Variants in PSD3 observed in about 807,000 individuals in gnomAD.
The protein encoded by PSD3 is PH and SEC7 domain-containing protein 3.
PSD3 carries 49 observed loss-of-function variants against 105.5 expected under a neutral mutation model. The observed-to-expected ratio is 0.46, with a 90% confidence interval of 0.37 to 0.59. The LOEUF is 0.59. Ranked by LOEUF, PSD3 falls within the 20% of genes least tolerant of loss-of-function variation. The probability of loss-of-function intolerance (pLI) is 0.00; values close to 1 mark genes in which losing one functional copy is unlikely to be tolerated. For synonymous variants in PSD3, 557 were observed against 457.8 expected, an observed-to-expected ratio of 1.22 and a Z score of -2.77; for missense variants, 1,561 against 1,263.8, an observed-to-expected ratio of 1.24 and a Z score of -3.57.
chr8:18,538,703 G>A (rs747626783), intron 15 of PSD3, among the ~76,000 whole-genome samples: 9 of 152,210 alleles, frequency 5.9e-5, no homozygotes, highest in Non-Finnish European at 7.3e-5. Flanking sequence ...CAGTTTTCCA[G>A]TAGTCTTTGA....
At chr8:18,707,175 C>T (rs1017224920) in intron 9 of PSD3, among the ~76,000 whole-genome samples, 1 of 152,126 alleles carries the variant, frequency 6.6e-6, no homozygotes, top group African/African-American at 2.4e-5. Context: ...CTGTCCAAAT[C>T]CTACCCATCC....
intron 2 of PSD3, among the ~76,000 whole-genome samples, chr8:18,912,640 T>A (rs2129464539): frequency 6.6e-6 from 1 of 152,284 alleles, no homozygotes; most frequent in African/African-American, 2.4e-5. Context: ...ATGAAGACAC[T>A]CACTCACCAC....
intron 4 of PSD3, chr8:18,808,728 G>T (rs755840978): frequency 1.2e-6 from 2 of 1,613,830 alleles, no homozygotes; most frequent in South Asian, 2.2e-5. Flanking sequence ...CAGAAAGCTT[G>T]ACAATATGAT....
chr8:18,829,028 C>T (rs188702617), intron 4 of PSD3, among the ~76,000 whole-genome samples: 222 of 152,192 alleles, frequency 1.5e-3, no homozygotes, highest in Middle Eastern at 6.8e-3. Flanking sequence ...ACAGAGGTTG[C>T]TGCTACTGCA....
chr8:18,790,904 A>C (rs970765872), intron 8 of PSD3, among the ~76,000 whole-genome samples: 2 of 152,190 alleles, frequency 1.3e-5, no homozygotes, highest in Non-Finnish European at 1.5e-5. Flanking sequence ...TCAATGTGCA[A>C]AAATCACTAG....
intron 12 of PSD3, among the ~76,000 whole-genome samples, chr8:18,589,643 A>T (rs1326677798): frequency 1.3e-5 from 2 of 152,216 alleles, no homozygotes; most frequent in Admixed American, 1.3e-4. Context: ...TGTTAATGAA[A>T]GATATGGGTT....
At chr8:18,588,749 G>C (rs573586748) in intron 12 of PSD3, among the ~76,000 whole-genome samples, 1 of 152,286 alleles carries the variant, frequency 6.6e-6, no homozygotes, top group Non-Finnish European at 1.5e-5. Flanking sequence ...TTGTTCCCTT[G>C]TCAATACTAA....
intron 4 of PSD3, among the ~76,000 whole-genome samples, chr8:18,838,921 G>T (rs1187894467): frequency 6.6e-6 from 1 of 151,728 alleles, no homozygotes; most frequent in African/African-American, 2.4e-5. Context: ...TTTGCCACTA[G>T]GTCTTATTTG....
chr8:18,797,004 A>T (rs1373299534), intron 8 of PSD3, among the ~76,000 whole-genome samples: 1 of 152,196 alleles, frequency 6.6e-6, no homozygotes, highest in Non-Finnish European at 1.5e-5. Context: ...CAACAAAAAA[A>T]TCAGGCAATC....
In PSD3 at chr8:18,695,114, T is replaced by C. The variant is rs1801188579; in HGVS notation, c.2173-39429A>G. Reference sequence around the variant, plus strand: ...AGGGATCCTTAGCCTTCTAGACTTTTAGACTAAAGATCCCTAGCAGAGGGA... The same window carrying C: ...AGGGATCCTTAGCCTTCTAGACTTTCAGACTAAAGATCCCTAGCAGAGGGA... On this transcript the variant is annotated intron_variant, in intron 9 of 15. Coordinates refer to ENST00000327040, the MANE Select transcript of PSD3 (RefSeq NM_015310.4). Among the ~76,000 whole-genome samples, 3 of 152,306 alleles carry C rather than the reference T, an allele frequency of 2.0e-5. No individual in the cohort carries two copies. The South Asian group carries it at 6.2e-4, about 32-fold the overall frequency.
chr8:18,645,572 G>C (rs569195145), intron 10 of PSD3, among the ~76,000 whole-genome samples: 1 of 152,022 alleles, frequency 6.6e-6, no homozygotes. Flanking sequence ...GTTATTCTTC[G>C]TATAGATTGT....
At chr8:18,971,759 C>A (rs1006799830) in intron 1 of PSD3, among the ~76,000 whole-genome samples, 8 of 152,182 alleles carry the variant, frequency 5.3e-5, no homozygotes, top group Non-Finnish European at 1.2e-4. Context: ...AATCTCAGCA[C>A]TTTGGGAGGC....
chr8:18,831,276 G>T (rs1813660800), intron 4 of PSD3, among the ~76,000 whole-genome samples: 1 of 152,214 alleles, frequency 6.6e-6, no homozygotes, highest in Non-Finnish European at 1.5e-5. Context: ...CTCTAGAATG[G>T]CTCTGAACTT....
chr8:18,787,396 A>G (rs893972792), intron 8 of PSD3, among the ~76,000 whole-genome samples: 2 of 152,214 alleles, frequency 1.3e-5, no homozygotes, highest in Non-Finnish European at 2.9e-5. Flanking sequence ...ATCAAAACAG[A>G]TGCAACTAAA....
intron 4 of PSD3, among the ~76,000 whole-genome samples, chr8:18,866,688 T>C (rs891001449): frequency 6.6e-6 from 1 of 151,902 alleles, no homozygotes; most frequent in Admixed American, 6.6e-5. Flanking sequence ...TAATGAACTA[T>C]AAACCTTCAA....
Position 18,575,285 on chromosome 8 carries a change from C to T in PSD3, c.2482G>A (p.Asp828Asn), listed in dbSNP as rs1341709817. ...AAGGCCTTTTCTGGCTTGTATTCAT[C>T]CTATAGATGGACACAAAGAAAATAA... The part of the protein sequence containing the change: ...LKGTVLYLQK[D>N]EYKPEKALSE... The change falls in exon 13 of 16, where the codon GAT becomes AAT. Residue 828 changes from aspartate (D) to asparagine (N), a missense_variant and splice_region_variant. Coordinates refer to ENST00000327040, the MANE Select transcript of PSD3 (RefSeq NM_015310.4). 1.3e-6 allele frequency: 2 copies of T among 1,575,424 alleles called. No individual in the cohort carries two copies. The highest frequency in any genetic ancestry group is 3.7e-5 in the Admixed American group (2 of 54,168).
chr8:18,691,660 A>G (rs1365116015), intron 9 of PSD3, among the ~76,000 whole-genome samples: 1 of 152,258 alleles, frequency 6.6e-6, no homozygotes, highest in Non-Finnish European at 1.5e-5. Context: ...GAGTGCTGAG[A>G]AAATACTGTT....
chr8:18,796,064 AT>A (rs1810150367), intron 8 of PSD3, among the ~76,000 whole-genome samples: 1 of 152,196 alleles, frequency 6.6e-6, no homozygotes, highest in Non-Finnish European at 1.5e-5. Context: ...AAAATATTTA[AT>A]TTAAGGGAAT....
intron 12 of PSD3, among the ~76,000 whole-genome samples, chr8:18,585,846 C>G (rs548119201): frequency 6.6e-6 from 1 of 152,256 alleles, no homozygotes; most frequent in Non-Finnish European, 1.5e-5. Context: ...GGATAATTAA[C>G]TGCTCCAAAT....
Sources: allele counts gnomAD v4.1 joint callset (sites outside exome capture counted in the v4.1 genomes callset), GRCh38; gene constraint gnomAD v4.1.1; transcripts MANE v1.5; gene names NCBI Gene and HGNC (gene_info 2026-07-23, HGNC 2026-07-21).